The following COMMD4 variants were observed in gnomAD, a reference collection of about 807,000 sequenced individuals.
COMMD4 encodes the protein COMM domain containing 4, also known as COMM domain-containing protein 4.
Under a neutral mutation model 27.5 loss-of-function variants are expected in COMMD4, and 18 were observed. The ratio of observed to expected loss-of-function variants is 0.65; its 90% confidence interval spans 0.45 to 0.97. The LOEUF is 0.97. COMMD4 is among the 50% of genes least tolerant of loss of function. The pLI, the probability that COMMD4 is intolerant of heterozygous loss-of-function variation, is 0.00. For missense variants in COMMD4, 243 were observed against 250.0 expected, an observed-to-expected ratio of 0.97 and a Z score of 0.19; for synonymous variants, 108 against 108.4, an observed-to-expected ratio of 1.00 and a Z score of 0.02.
In COMMD4 at chr15:75,340,191, T is replaced by G; in HGVS notation, c.*186T>G. ...TTGGCTCAGGGCTCCTGAGGACCTT[T>G]CCCAGCATTACCTTCCCTTCCCTTG... On this transcript the variant is annotated 3_prime_UTR_variant, in exon 8 of 8. Transcript: ENST00000267935. 1.6e-6 allele frequency: 1 copy of G among 614,700 alleles called. No individual in the cohort carries two copies. Among genetic ancestry groups the G allele is most frequent in the South Asian group, 2.1e-5 (1 of 47,784 alleles). The allele number at this position is 614,700 out of a possible 1,614,324, so 38.1% of individuals were successfully genotyped here. A position where few individuals can be genotyped will look rare whatever the true frequency, so the allele number is the denominator to read the frequency against.
In COMMD4 at chr15:75,339,887, C is replaced by G; in HGVS notation, c.559+9C>G. ...CCAGGTCCTCCTGGCAGGTGAGGCT[C>G]AGCTATTCCTCGACGGGTGAGAGGC... is the stretch of plus-strand genomic sequence containing the variant. On this transcript the variant is annotated intron_variant, in intron 7 of 7. Transcript: ENST00000267935. 1.2e-6 allele frequency: 2 copies of G among 1,613,362 alleles called. No homozygotes were observed. Among genetic ancestry groups the G allele is most frequent in the Non-Finnish European group, 1.7e-6 (2 of 1,179,456 alleles).
Position 75,340,179 on chromosome 15 carries a change from C to G in COMMD4, c.*174C>G. On this transcript the variant is annotated 3_prime_UTR_variant, in exon 8 of 8. Transcript: ENST00000267935. ...TCTCTTGAGAACTTGGCTCAGGGCT[C>G]CTGAGGACCTTTCCCAGCATTACCT... 1 of 649,862 alleles carries G rather than the reference C, an allele frequency of 1.5e-6. No individual in the cohort carries two copies. Among genetic ancestry groups the G allele is most frequent in the South Asian group, 2.0e-5 (1 of 49,544 alleles). The allele number at this position is 649,862 out of a possible 1,614,324, so 40.3% of individuals were successfully genotyped here.
chr15:75,336,340 G>T, intron 1 of COMMD4: 2 of 1,339,122 alleles, frequency 1.5e-6, no homozygotes, highest in South Asian at 3.1e-5. Context: ...CCTGGCGGAA[G>T]GAAGGGCCCC....
Position 75,340,265 on chromosome 15 carries a change from A to G in COMMD4, c.*260A>G, listed in dbSNP as rs2071412571. The G allele has an allele frequency of 3.6e-6, 2 of 559,582 alleles. No individual in the cohort carries two copies. The highest frequency in any genetic ancestry group is 4.6e-5 in the South Asian group (2 of 43,400). 34.7% of individuals were successfully genotyped at this position (559,582 alleles called of 1,614,324 possible). A position where few individuals can be genotyped will look rare whatever the true frequency, so the allele number is the denominator to read the frequency against. On this transcript the variant is annotated 3_prime_UTR_variant, in exon 8 of 8. Coordinates refer to ENST00000267935, the MANE Select transcript of COMMD4 (RefSeq NM_017828.5). ...ATAAGCAGGAAAAATAAACAGAAGTATAAAGGAATGTGTGCAGGGGGTTCT... is the reference window on the plus strand; with the variant it reads ...ATAAGCAGGAAAAATAAACAGAAGTGTAAAGGAATGTGTGCAGGGGGTTCT...
downstream of COMMD4, among the ~76,000 whole-genome samples, chr15:75,340,505 C>T (rs908694248): frequency 6.6e-6 from 1 of 152,210 alleles, no homozygotes; most frequent in African/African-American, 2.4e-5. Flanking sequence ...TCTTTGCCCC[C>T]TGGCCATGTC....
In COMMD4 at chr15:75,336,070, G is replaced by A; in HGVS notation, c.-20G>A. 1 of 1,549,680 alleles carries A rather than the reference G, an allele frequency of 6.5e-7. No homozygotes were observed. The highest frequency in any genetic ancestry group is 8.7e-7 in the Non-Finnish European group (1 of 1,146,812). On this transcript the variant is annotated 5_prime_UTR_variant, in exon 1 of 8. Transcript: ENST00000267935. Reference sequence around the variant, plus strand: ...GCGGGACCGGAAAAAGAAATTCCCGGGCCCTGGCTTCTTGGCGCGATGGTG... The same window carrying A: ...GCGGGACCGGAAAAAGAAATTCCCGAGCCCTGGCTTCTTGGCGCGATGGTG...
Position 75,339,736 on chromosome 15 carries a change from C to G in COMMD4, c.417C>G (p.Asp139Glu). Residue 139 changes from aspartate (D) to glutamate (E), a missense_variant, in exon 7 of 8, where the codon GAC (aspartate) becomes GAG (glutamate). By Grantham distance (45) the Asp-to-Glu change is conservative. Transcript: ENST00000267935. ...NRLAGVGWRV[D>E]YTLSSSLLQS... ...TGGCAGGTGTGGGCTGGCGGGTGGA[C>G]TACACCCTGAGCTCCAGCCTGCTGC... 1 of 1,610,148 alleles carries G rather than the reference C, an allele frequency of 6.2e-7. No homozygotes were observed. The highest frequency in any genetic ancestry group is 1.1e-5 in the South Asian group (1 of 90,458).
downstream of COMMD4, chr15:75,342,372 C>G (rs2071435209): frequency 6.6e-6 from 1 of 152,054 alleles, no homozygotes; most frequent in African/African-American, 2.4e-5. Flanking sequence ...AAACCTGTCT[C>G]TACAAAAAGT....
intron 1 of COMMD4, 45 bp downstream of exon 1, chr15:75,336,137 A>G (rs2071168574): frequency 6.5e-7 from 1 of 1,549,402 alleles, no homozygotes; most frequent in South Asian, 1.2e-5. Flanking sequence ...CTGGAGCGGG[A>G]ATGAGGGGGC....
Position 75,339,778 on chromosome 15 carries a change from C to T in COMMD4, c.459C>T (p.Pro153=). The T allele has an allele frequency of 1.2e-6, 2 of 1,614,122 alleles. No individual in the cohort carries two copies. Among genetic ancestry groups the T allele is most frequent in the Non-Finnish European group, 1.7e-6 (2 of 1,180,004 alleles). Residue 153 remains proline, a synonymous_variant, in exon 7 of 8, where the codon CCC becomes CCT. Transcript: ENST00000267935. ...GCCTGCTGCAATCCGTGGAAGAGCC[C>T]ATGGTGCACCTGCGGCTGGAGGTGG... is the stretch of plus-strand genomic sequence containing the variant. ...SSSLLQSVEE[P]MVHLRLEVAA... is the part of the protein sequence containing the mutation.
At position 75,338,237 on chromosome 15, in the gene COMMD4, C is replaced by G. The variant is rs529996105; in HGVS notation, c.75+104C>G. 2.8e-4 allele frequency: 414 copies of G among 1,495,990 alleles called. No individual in the cohort carries two copies. In the East Asian group the frequency reaches 8.9e-3, roughly 32 times the overall value. 92.7% of individuals were successfully genotyped at this position (1,495,990 alleles called of 1,614,324 possible). ...TCTCTGGGGCTAGGGCCTCAGTGCT[C>G]TCAGCCTGTGCTACCATGCTTTGTG... On this transcript the variant is annotated intron_variant, in intron 2 of 7. Transcript: ENST00000267935.
downstream of COMMD4, chr15:75,342,174 T>G (rs545666525): frequency 6.7e-6 from 1 of 149,218 alleles, no homozygotes; most frequent in Admixed American, 6.7e-5. Context: ...TGGATGAACC[T>G]AGACGACATG....
intron 1 of COMMD4, chr15:75,336,306 G>T (rs1246400598): frequency 4.9e-6 from 7 of 1,432,242 alleles, no homozygotes; most frequent in African/African-American, 1.4e-5. Flanking sequence ...GAGCAGGCCG[G>T]CCGGCTTAGA....
intron 1 of COMMD4, chr15:75,336,816 A>C (rs772285192): frequency 2.9e-4 from 45 of 152,606 alleles, no homozygotes; most frequent in African/African-American, 1.0e-3. Flanking sequence ...GCTGAAGTAC[A>C]GTTTGTGTAC....
At chr15:75,336,504 ACT>A in intron 1 of COMMD4, 2 of 411,648 alleles carry the variant, frequency 4.9e-6, no homozygotes. Flanking sequence ...ACTCTTCCAC[ACT>A]GTTAGGAAGC....
rs749912765 is a variant in COMMD4 at position 75,338,701 on chromosome 15, A to G, written c.181+16A>G. 2 of 1,612,630 alleles carry G rather than the reference A, an allele frequency of 1.2e-6. No individual in the cohort carries two copies. The highest frequency in any genetic ancestry group is 2.2e-5 in the South Asian group (2 of 90,682). ...GCCAAGTTTGGTGAGTATCCCGCTGAGTCTATAGGCCCCAGGCAACCCTGG... is the reference window on the plus strand; with the variant it reads ...GCCAAGTTTGGTGAGTATCCCGCTGGGTCTATAGGCCCCAGGCAACCCTGG... On this transcript the variant is annotated intron_variant, in intron 4 of 7. Coordinates refer to ENST00000267935, the MANE Select transcript of COMMD4 (RefSeq NM_017828.5).
At position 75,340,043 on chromosome 15, in the gene COMMD4, C is replaced by T. The variant is rs1185104987; in HGVS notation, c.*38C>T. 6.2e-7 allele frequency: 1 copy of T among 1,611,198 alleles called. No individual in the cohort carries two copies. Among genetic ancestry groups the T allele is most frequent in the Admixed American group, 1.7e-5 (1 of 59,772 alleles). On this transcript the variant is annotated 3_prime_UTR_variant, in exon 8 of 8. Coordinates refer to ENST00000267935, the MANE Select transcript of COMMD4 (RefSeq NM_017828.5). ...TCCAGGCCTGTGTGGAGCCGCCCTG[C>T]CCGTATGGAGTCACGCCCTCTGAAC...
downstream of COMMD4, chr15:75,341,655 G>T (rs1369757369): frequency 6.6e-6 from 1 of 152,074 alleles, no homozygotes; most frequent in Non-Finnish European, 1.5e-5. Context: ...TGGACCCCAT[G>T]GCCCAGTCAG....
chr15:75,338,675 C>T lies in COMMD4; in HGVS notation c.171C>T (p.Asp57=), dbSNP rs200472461. 5.0e-5 allele frequency: 81 copies of T among 1,613,826 alleles called. 1 individual carries two copies. The highest frequency in any genetic ancestry group is 3.4e-4 in the South Asian group (31 of 90,974). ...DYEKILKLTA[D]AKFESGDVKA... is the part of the protein sequence containing the mutation. ...AGAAGATCCTGAAGCTCACGGCTGACGCCAAGTTTGGTGAGTATCCCGCTG... is the reference window on the plus strand; with the variant it reads ...AGAAGATCCTGAAGCTCACGGCTGATGCCAAGTTTGGTGAGTATCCCGCTG... The change falls in exon 4 of 8, where the codon GAC becomes GAT. Residue 57 remains aspartate, a synonymous_variant. Transcript: ENST00000267935.
Sources: gnomAD v4.1 joint callset for allele counts (sites outside exome capture counted in the v4.1 genomes callset) on GRCh38, gnomAD v4.1.1 for gene constraint, MANE v1.5 for transcripts, NCBI Gene and HGNC (gene_info 2026-07-23, HGNC 2026-07-21) for gene names.